The following EIF4G2 variants were observed in gnomAD, a reference collection of about 807,000 sequenced individuals.
EIF4G2 encodes eukaryotic translation initiation factor 4 gamma 2.
Under a neutral mutation model 117.7 loss-of-function variants are expected in EIF4G2, and 8 were observed. The observed-to-expected ratio is 0.07, with a 90% CI of 0.04 to 0.12. The LOEUF (loss-of-function observed/expected upper bound fraction) is 0.12. Among genes scored for constraint, EIF4G2 ranks in the 10% least tolerant of loss-of-function variants. The pLI is 1.00. For synonymous variants in EIF4G2, 413 were observed against 367.8 expected, an observed-to-expected ratio of 1.12 and a Z score of -1.41; for missense variants, 812 against 1,086.2, an observed-to-expected ratio of 0.75 and a Z score of 3.55.
At position 10,797,638 on chromosome 11, in the gene EIF4G2, T is replaced by C. The variant is rs1847294600; in HGVS notation, c.*178A>G. ...TCCTAAAATATTTGATGGTAGACTA[T>C]GATTAAGACATTACACTACAAAAAA... On this transcript the variant is annotated 3_prime_UTR_variant, in exon 22 of 22. Coordinates refer to ENST00000339995, the MANE Select transcript of EIF4G2 (RefSeq NM_001418.4). This position sits in a 1 kb window ranked among gnomAD's most constrained non-coding sequence, Gnocchi z 4.5. 1.6e-6 allele frequency: 1 copy of C among 633,170 alleles called. No individual in the cohort carries two copies. The highest frequency in any genetic ancestry group is 2.0e-5 in the South Asian group (1 of 50,570). 39.2% of individuals were successfully genotyped at this position (633,170 alleles called of 1,614,324 possible). A position where few individuals can be genotyped will look rare whatever the true frequency, so the allele number is the denominator to read the frequency against.
At chr11:10,801,541 G>T in intron 14 of EIF4G2, 120 bp downstream of exon 14, 1 of 938,314 alleles carries the variant, frequency 1.1e-6, no homozygotes, top group Non-Finnish European at 1.7e-6. Flanking sequence ...ATAGAAAAGA[G>T]AGAAAAACGT....
chr11:10,806,413 G>A (rs1046467679), intron 3 of EIF4G2: 1 of 323,296 alleles, frequency 3.1e-6, no homozygotes, highest in Non-Finnish European at 5.8e-6. Flanking sequence ...TTGGGTTCAA[G>A]CGACCCTCCC....
intron 5 of EIF4G2, 168 bp downstream of exon 5, chr11:10,804,745 C>A (rs974943856): frequency 1.7e-5 from 11 of 633,930 alleles, no homozygotes; most frequent in Non-Finnish European, 3.0e-5. Flanking sequence ...CAATCTAATG[C>A]TACTAAAGTC....
In EIF4G2 at chr11:10,802,411, G is replaced by A; in HGVS notation, c.1021C>T (p.Pro341Ser). 3 of 1,609,656 alleles carry A rather than the reference G, an allele frequency of 1.9e-6. No homozygotes were observed. Among genetic ancestry groups the A allele is most frequent in the Non-Finnish European group, 2.5e-6 (3 of 1,178,660 alleles). Residue 341 changes from proline (P) to serine (S), a missense_variant, in exon 12 of 22, where the codon CCT becomes TCT. Pro to Ser is a moderately conservative substitution (Grantham distance 74). Around this residue, in one of 4 missense-constraint regions of EIF4G2, gnomAD observed 571 missense variants for 642.3 expected, o/e 0.89. Coordinates refer to ENST00000339995, the MANE Select transcript of EIF4G2 (RefSeq NM_001418.4). ...TCACTTCTCATCCCTTGAGCCATAG[G>A]AGCAGGAATAAACACCCCTAGATCC...
In EIF4G2 at chr11:10,799,371, G is replaced by A. The variant is rs1847354853; in HGVS notation, c.2378C>T (p.Ser793Leu). 7 of 1,612,904 alleles carry A rather than the reference G, an allele frequency of 4.3e-6. 2 individuals carry two copies. Among genetic ancestry groups the A allele is most frequent in the Admixed American group, 3.3e-5 (2 of 60,006 alleles). Reference sequence around the variant, plus strand: ...CTGTTCTTTGGAAGGAGCAGAGGATGAATCTGTTTCATCGCTGGGGGGGTT... The same window carrying A: ...CTGTTCTTTGGAAGGAGCAGAGGATAAATCTGTTTCATCGCTGGGGGGGTT... Residue 793 changes from serine (S) to leucine (L), a missense_variant, in exon 20 of 22, where the codon TCA becomes TTA. Transcript: ENST00000339995.
At chr11:10,806,689 G>T in intron 3 of EIF4G2, 131 bp downstream of exon 3, 1 of 934,486 alleles carries the variant, frequency 1.1e-6, no homozygotes, top group South Asian at 1.6e-5. Context: ...TCTGTATTTA[G>T]GATACCCAAC....
rs555979146 is a variant in EIF4G2 at position 10,808,733 on chromosome 11, G to T, written c.-115C>A. ...CACCGAGAACTCAGCAGCTGCCACC[G>T]CAGCTGCCTCCTCAGGATCCGGTCG... On this transcript the variant is annotated 5_prime_UTR_variant, in exon 1 of 22. Transcript: ENST00000339995. 19 of 164,030 alleles carry T rather than the reference G, an allele frequency of 1.2e-4. No homozygotes were observed. The South Asian group carries it at 1.8e-3, about 15-fold the overall frequency. 10.2% of individuals were successfully genotyped at this position (164,030 alleles called of 1,614,324 possible).
At chr11:10,801,801 C>T (rs1308709402) in intron 13 of EIF4G2, 27 bp from the exon 14 acceptor site, 1 of 1,603,942 alleles carries the variant, frequency 6.2e-7, no homozygotes. Context: ...GAAAGAAAGT[C>T]TAGATAAAAA....
At chr11:10,807,613 G>A in intron 1 of EIF4G2, 1 of 1,130,260 alleles carries the variant, frequency 8.8e-7, no homozygotes, top group Non-Finnish European at 1.1e-6. Flanking sequence ...ATTTTAAACG[G>A]CTCAGAACGA....
chr11:10,802,471 T>C (rs763583743), intron 11 of EIF4G2, 36 bp from the exon 12 acceptor site: 1 of 1,518,596 alleles, frequency 6.6e-7, no homozygotes, highest in Non-Finnish European at 8.8e-7. Context: ...TTTTTGTCTC[T>C]GGACACTATT....
At chr11:10,804,673 C>A in intron 5 of EIF4G2, 1 of 599,884 alleles carries the variant, frequency 1.7e-6, no homozygotes, top group Non-Finnish European at 2.8e-6. Flanking sequence ...AGAAAAAGAA[C>A]AGCTTGCTAA....
chr11:10,807,272 C>A lies in EIF4G2; in HGVS notation c.24G>T (p.Gly8=). 1.2e-6 allele frequency: 2 copies of A among 1,612,540 alleles called. No homozygotes were observed. The highest frequency in any genetic ancestry group is 1.7e-6 in the Non-Finnish European group (2 of 1,179,596). ...ACAAGTACCTGAAACGAGAAGCACC[C>A]CCTTCTGCAATCGCACTCTCCACTT... Residue 8 remains glycine (G), a synonymous_variant, in exon 2 of 22, where the codon GGG becomes GGT. Transcript: ENST00000339995.
At chr11:10,806,250 C>T in intron 3 of EIF4G2, 1 of 667,852 alleles carries the variant, frequency 1.5e-6, no homozygotes, top group South Asian at 2.1e-5. Flanking sequence ...TGGGCCCACC[C>T]AGTTTCTGCT....
rs568051529 is a variant in EIF4G2, at chr11:10,808,457, G to A, written c.-87+248C>T. ...CCACGGCCTCGTCCCTGCAGGCGTC[G>A]GCCATCCGGCCATGACCGCACGGCG... On this transcript the variant is annotated intron_variant, in intron 1 of 21. Coordinates refer to ENST00000339995, the MANE Select transcript of EIF4G2 (RefSeq NM_001418.4). 2.6e-5 allele frequency: 33 copies of A among 1,260,304 alleles called. No individual in the cohort carries two copies. The East Asian group carries it at 3.7e-4, about 14-fold the overall frequency. The allele number at this position is 1,260,304 out of a possible 1,614,324, so 78.1% of individuals were successfully genotyped here. A position where few individuals can be genotyped will look rare whatever the true frequency, so the allele number is the denominator to read the frequency against.
Position 10,808,899 on chromosome 11 carries a change from C to G in EIF4G2, c.-281G>C, listed in dbSNP as rs769191069. 1 of 156,134 alleles carries G rather than the reference C, an allele frequency of 6.4e-6. No homozygotes were observed. Among genetic ancestry groups the G allele is most frequent in the South Asian group, 1.6e-4 (1 of 6,278 alleles). The allele number at this position is 156,134 out of a possible 1,614,324, so 9.7% of individuals were successfully genotyped here. A position where few individuals can be genotyped will look rare whatever the true frequency, so the allele number is the denominator to read the frequency against. Reference sequence around the variant, plus strand: ...GCCGCCACTCGGTACCCGCTGCCACCTCCATAGAGCTCCGACTCACTGCTG... The same window carrying G: ...GCCGCCACTCGGTACCCGCTGCCACGTCCATAGAGCTCCGACTCACTGCTG... On this transcript the variant is annotated 5_prime_UTR_variant, in exon 1 of 22. Transcript: ENST00000339995.
In EIF4G2 at chr11:10,803,406, TATG is replaced by T. The variant is rs1487207133; in HGVS notation, c.813+71_813+73del. 19 of 1,561,604 alleles carry T rather than the reference TATG, an allele frequency of 1.2e-5. No individual in the cohort carries two copies. Among genetic ancestry groups the T allele is most frequent in the Non-Finnish European group, 1.7e-5 (19 of 1,134,480 alleles). On this transcript the variant is annotated intron_variant, in intron 9 of 21. Coordinates refer to ENST00000339995, the MANE Select transcript of EIF4G2 (RefSeq NM_001418.4). The surrounding 1 kb of genome is among the most constrained non-coding windows in gnomAD (Gnocchi z 4.0). ...TTAATGGCTAAATATGGCAATCCCT[TATG>T]ATGTCACAAAAATCAATAGCTTGAT...
Position 10,800,877 on chromosome 11 carries a change from T to A in EIF4G2, c.1540-42A>T, listed in dbSNP as rs566348653. 15 of 1,612,262 alleles carry A rather than the reference T, an allele frequency of 9.3e-6. No homozygotes were observed. In the South Asian group the frequency reaches 1.5e-4, roughly 17 times the overall value. ...GACAGACTTTTTTTAAAAAGAGGACTATGAAATTAGGGGGAAGAACACACT... is the reference window on the plus strand; with the variant it reads ...GACAGACTTTTTTTAAAAAGAGGACAATGAAATTAGGGGGAAGAACACACT... On this transcript the variant is annotated intron_variant, in intron 15 of 21. Coordinates refer to ENST00000339995, the MANE Select transcript of EIF4G2 (RefSeq NM_001418.4).
chr11:10,801,636 A>G (rs1399243561), intron 14 of EIF4G2, 25 bp downstream of exon 14: 2 of 1,593,674 alleles, frequency 1.3e-6, no homozygotes, highest in African/African-American at 1.3e-5. Context: ...AAACTATGGT[A>G]TATAAGTAAC....
At position 10,802,195 on chromosome 11, in the gene EIF4G2, T is replaced by C; in HGVS notation, c.1153A>G (p.Thr385Ala). 6.2e-7 allele frequency: 1 copy of C among 1,614,132 alleles called. No homozygotes were observed. Among genetic ancestry groups the C allele is most frequent in the Non-Finnish European group, 8.5e-7 (1 of 1,180,002 alleles). Residue 385 changes from threonine to alanine, a missense_variant, in exon 13 of 22, where the codon ACT becomes GCT. Coordinates refer to ENST00000339995, the MANE Select transcript of EIF4G2 (RefSeq NM_001418.4). ...CTATCCTGGATAACTCCTGGACCAG[T>C]ACCAATTCCGCTACCTTAAAATACA...
Sources: gnomAD v4.1 joint callset for allele counts on GRCh38, gnomAD v4.1.1 for gene constraint, gnomAD v4.1.1 regional missense constraint, Gnocchi (gnomAD v3.1) non-coding constraint, MANE v1.5 for transcripts, NCBI Gene and HGNC (gene_info 2026-07-23, HGNC 2026-07-21) for gene names.